SLIT2: variants seen among roughly 807,000 people sequenced by gnomAD.
The protein encoded by SLIT2 is slit guidance ligand 2.
SLIT2 carries 41 observed loss-of-function variants against 185.7 expected under a neutral mutation model. The ratio of observed to expected loss-of-function variants is 0.22; its 90% CI spans 0.17 to 0.29. The LOEUF (loss-of-function observed/expected upper bound fraction) is 0.29. Ranked by LOEUF, SLIT2 falls within the 10% of genes least tolerant of loss-of-function variation. The pLI is 1.00. For missense variants in SLIT2, 1,571 were observed against 1,909.0 expected, an observed-to-expected ratio of 0.82 and a Z score of 3.30; for synonymous variants, 693 against 680.2, an observed-to-expected ratio of 1.02 and a Z score of -0.29.
At chr4:20,581,107 TTTA>T (rs1299311597) in intron 29 of SLIT2, among the ~76,000 whole-genome samples, 1 of 152,128 alleles carries the variant, frequency 6.6e-6, no homozygotes, top group African/African-American at 2.4e-5. Flanking sequence ...ACAACAGAGT[TTTA>T]TTGTCTTACA....
intron 4 of SLIT2, among the ~76,000 whole-genome samples, chr4:20,356,561 A>G (rs1577492140): frequency 6.6e-6 from 1 of 152,346 alleles, no homozygotes; most frequent in African/African-American, 2.4e-5. Context: ...CAATGCATTT[A>G]AAGCCATTTA....
chr4:20,386,252 A>G (rs750136677), intron 4 of SLIT2, among the ~76,000 whole-genome samples: 1 of 152,214 alleles, frequency 6.6e-6, no homozygotes, highest in Non-Finnish European at 1.5e-5. Flanking sequence ...AAAAGGAAGC[A>G]AGAGAATTGA....
At chr4:20,391,533 C>T (rs1449201364) in intron 4 of SLIT2, among the ~76,000 whole-genome samples, 3 of 152,102 alleles carry the variant, frequency 2.0e-5, no homozygotes, top group African/African-American at 4.8e-5. Context: ...TAGACTTAAG[C>T]TGGAATTTTC....
intron 9 of SLIT2, among the ~76,000 whole-genome samples, chr4:20,505,794 T>G (rs1271080781): frequency 2.6e-5 from 4 of 152,038 alleles, no homozygotes; most frequent in Non-Finnish European, 5.9e-5. Flanking sequence ...TTTCTATAAT[T>G]TTTGAAATAG....
In SLIT2 at chr4:20,254,382, G is replaced by T. The variant is rs976566717; in HGVS notation, c.179+388G>T. On this transcript the variant is annotated intron_variant, in intron 1 of 36. Transcript: ENST00000504154. The surrounding 1 kb of genome is among the most constrained non-coding windows in gnomAD (Gnocchi z 5.1). ...CCTTGCGATTGCCAGCATCCAGGTC[G>T]GTTTCAGAGCCCAGTCCTCGCTCTT... Among the ~76,000 whole-genome samples, 14 of 152,180 alleles carry T rather than the reference G, an allele frequency of 9.2e-5. No homozygotes were observed.
At chr4:20,423,255 A>T (rs1300987786) in intron 4 of SLIT2, among the ~76,000 whole-genome samples, 1 of 152,104 alleles carries the variant, frequency 6.6e-6, no homozygotes, top group Non-Finnish European at 1.5e-5. Context: ...GAGATAAAGG[A>T]GGCATATTTA....
chr4:20,587,220 T>G (rs960078891), intron 29 of SLIT2, among the ~76,000 whole-genome samples: 4 of 152,062 alleles, frequency 2.6e-5, no homozygotes, highest in Non-Finnish European at 5.9e-5. Context: ...GGTTTCACCA[T>G]GTTGGCCAAG....
At chr4:20,549,029 A>G (rs1348017514) in intron 23 of SLIT2, 28 bp from the exon 24 acceptor site, 1 of 1,425,022 alleles carries the variant, frequency 7.0e-7, no homozygotes. Flanking sequence ...TTTCTGAATA[A>G]AACAAATTGA....
chr4:20,335,165 C>T (rs1196984497), intron 4 of SLIT2, among the ~76,000 whole-genome samples: 1 of 152,054 alleles, frequency 6.6e-6, no homozygotes, highest in Non-Finnish European at 1.5e-5. Context: ...TTGGGAGCTA[C>T]AATTCAAGAT....
intron 4 of SLIT2, among the ~76,000 whole-genome samples, chr4:20,314,311 A>G (rs1187401188): frequency 6.6e-6 from 1 of 152,232 alleles, no homozygotes; most frequent in African/African-American, 2.4e-5. Context: ...ATAGCAAAGT[A>G]TGAACAACCT....
rs9992559 is a variant in SLIT2 at position 20,528,751 on chromosome 4, T to C, written c.1463-198T>C. 0.2 allele frequency among the ~76,000 whole-genome samples: 31,040 copies of C among 152,172 alleles called. 3,600 individuals carry two copies. Among genetic ancestry groups the C allele is most frequent in the Middle Eastern group, 0.32 (94 of 294 alleles). On this transcript the variant is annotated intron_variant, in intron 15 of 36. Coordinates refer to ENST00000504154, the MANE Select transcript of SLIT2 (RefSeq NM_004787.4). This position sits in a 1 kb window ranked among gnomAD's most constrained non-coding sequence, Gnocchi z 4.2. ...CAACTTTATTAATGTTTTCCTGTCA[T>C]GTGAATCTGGTCACTCTTTTTTCCA...
intron 4 of SLIT2, among the ~76,000 whole-genome samples, chr4:20,379,299 T>C (rs1724293560): frequency 6.6e-6 from 1 of 152,160 alleles, no homozygotes; most frequent in Non-Finnish European, 1.5e-5. Flanking sequence ...GAACATAAAC[T>C]GCTCTAAAAT....
intron 29 of SLIT2, among the ~76,000 whole-genome samples, chr4:20,580,093 G>A (rs574995028): frequency 1.2e-3 from 171 of 145,320 alleles, no homozygotes; most frequent in Non-Finnish European, 1.2e-3. Context: ...ATTTGAGACC[G>A]TGTCTGGCCT....
chr4:20,404,712 C>G (rs1252533619), intron 4 of SLIT2, among the ~76,000 whole-genome samples: 1 of 151,922 alleles, frequency 6.6e-6, no homozygotes, highest in Non-Finnish European at 1.5e-5. Flanking sequence ...CATATTTAAA[C>G]AAAACAGCAC....
intron 29 of SLIT2, among the ~76,000 whole-genome samples, chr4:20,588,011 T>G (rs1461276112): frequency 6.6e-6 from 1 of 152,318 alleles, no homozygotes; most frequent in East Asian, 1.9e-4. Context: ...CTCCATCAGA[T>G]AGATTTGGTT....
rs1459670437 is a variant in SLIT2 at position 20,319,296 on chromosome 4, T to C, written c.395+50415T>C. Among the ~76,000 whole-genome samples the C allele has an allele frequency of 2.0e-5, 3 of 152,162 alleles. No homozygotes were observed. In the South Asian group the frequency reaches 6.2e-4, roughly 31 times the overall value. On this transcript the variant is annotated intron_variant, in intron 4 of 36. Transcript: ENST00000504154. ...TTTGTTACCCAGTGCATTGTATGAG[T>C]GTACAAAAGTATTATTGTACTTGCA...
At chr4:20,534,396 A>C (rs1410368787) in intron 18 of SLIT2, among the ~76,000 whole-genome samples, 2 of 152,190 alleles carry the variant, frequency 1.3e-5, no homozygotes, top group Non-Finnish European at 2.9e-5. Context: ...ATGTTTCCAA[A>C]GAGTTGTTGT....
chr4:20,257,889 T>G lies in SLIT2; in HGVS notation c.273T>G (p.Ile91Met), dbSNP rs984273466. ...LRVLQLMENK[I>M]STIERGAFQD... ...TCAGTCAGCTTATGGAGAATAAGATTAGCACCATTGAAAGAGGAGCATTCC... is the reference window on the plus strand; with the variant it reads ...TCAGTCAGCTTATGGAGAATAAGATGAGCACCATTGAAAGAGGAGCATTCC... Residue 91 changes from isoleucine (I) to methionine (M), a missense_variant, in exon 3 of 37, where the codon ATT becomes ATG. By Grantham distance (10) the Ile-to-Met change is conservative. Around this residue, in one of 3 missense-constraint regions of SLIT2, gnomAD observed 1,202 missense variants for 1,416.4 expected, o/e 0.85. Coordinates refer to ENST00000504154, the MANE Select transcript of SLIT2 (RefSeq NM_004787.4). 6.4e-7 allele frequency: 1 copy of G among 1,569,870 alleles called. No homozygotes were observed.
intron 26 of SLIT2, among the ~76,000 whole-genome samples, chr4:20,556,565 T>G (rs1306095607): frequency 1.3e-5 from 2 of 152,044 alleles, no homozygotes; most frequent in African/African-American, 4.8e-5. Context: ...AAGTCCAAGA[T>G]AAGTCCCCTG....
Sources: gnomAD v4.1 joint callset for allele counts (sites outside exome capture counted in the v4.1 genomes callset) on GRCh38, gnomAD v4.1.1 for gene constraint, gnomAD v4.1.1 regional missense constraint, Gnocchi (gnomAD v3.1) non-coding constraint, MANE v1.5 for transcripts, NCBI Gene and HGNC (gene_info 2026-07-23, HGNC 2026-07-21) for gene names.